The following DTNA variants were observed in gnomAD, a reference collection of about 807,000 sequenced individuals.
The protein encoded by DTNA is dystrophin-related protein 3.
Under a neutral mutation model 100.7 loss-of-function variants are expected in DTNA, and 43 were observed. The observed-to-expected ratio is 0.43, with a 90% CI of 0.33 to 0.55. DTNA has a LOEUF of 0.55. Among genes scored for constraint, DTNA ranks in the 20% least tolerant of loss-of-function variants. The pLI is 0.04. For missense variants in DTNA, 798 were observed against 953.9 expected, an observed-to-expected ratio of 0.84 and a Z score of 2.15; for synonymous variants, 349 against 347.9, an observed-to-expected ratio of 1.00 and a Z score of -0.04.
intron 1 of DTNA, among the ~76,000 whole-genome samples, chr18:34,573,467 A>ATTTTG (rs754717318): frequency 2.0e-5 from 3 of 152,128 alleles, no homozygotes; most frequent in Non-Finnish European, 2.9e-5. Context: ...CTGTTACCTC[A>ATTTTG]TTTTGTTTAC....
At chr18:34,773,083 A>C (rs1030879395) in intron 3 of DTNA, among the ~76,000 whole-genome samples, 3 of 152,048 alleles carry the variant, frequency 2.0e-5, no homozygotes, top group African/African-American at 7.2e-5. Flanking sequence ...GTCCTCTCTG[A>C]CTTCCCCATT....
At chr18:34,854,989 T>C (rs2096535563) in intron 15 of DTNA, among the ~76,000 whole-genome samples, 1 of 152,144 alleles carries the variant, frequency 6.6e-6, no homozygotes. Context: ...ATTTCTACTC[T>C]TTTTCCCCAA....
chr18:34,744,041 A>T lies in DTNA; in HGVS notation c.-1-11935A>T, dbSNP rs1304087712. Among the ~76,000 whole-genome samples the T allele has an allele frequency of 2.0e-5, 3 of 152,204 alleles. No individual in the cohort carries two copies. The East Asian group carries it at 5.8e-4, about 29-fold the overall frequency. ...TTATTTCCTTTTCCCAGCGAATCAA[A>T]ATTGCCACCTCTTCACTGTGTTTAT... is the stretch of plus-strand genomic sequence containing the variant. On this transcript the variant is annotated intron_variant, in intron 1 of 22. Coordinates refer to ENST00000444659, the MANE Select transcript of DTNA (RefSeq NM_001386795.1).
intron 1 of DTNA, among the ~76,000 whole-genome samples, chr18:34,625,354 G>A (rs940401591): frequency 2.0e-5 from 3 of 152,056 alleles, no homozygotes; most frequent in African/African-American, 7.2e-5. Context: ...TGTATTTTTA[G>A]TAGAGACGGG....
intron 15 of DTNA, among the ~76,000 whole-genome samples, chr18:34,857,555 C>T (rs1013896335): frequency 6.6e-6 from 1 of 152,186 alleles, no homozygotes; most frequent in Non-Finnish European, 1.5e-5. Context: ...GAAGCCCAGG[C>T]TCTGACATCA....
intron 1 of DTNA, among the ~76,000 whole-genome samples, chr18:34,615,400 A>G (rs1437844803): frequency 2.0e-5 from 3 of 152,156 alleles, no homozygotes; most frequent in Non-Finnish European, 4.4e-5. Context: ...TGCAAACTAT[A>G]TCATCTTATT....
chr18:34,712,193 A>T (rs943213808), intron 1 of DTNA, among the ~76,000 whole-genome samples: 2 of 152,142 alleles, frequency 1.3e-5, no homozygotes, highest in African/African-American at 4.8e-5. Context: ...ATGAAAAGAT[A>T]TACAAAAGGT....
At chr18:34,520,048 G>A (rs1054521375) in intron 1 of DTNA, among the ~76,000 whole-genome samples, 2 of 152,106 alleles carry the variant, frequency 1.3e-5, no homozygotes, top group East Asian at 1.9e-4. Context: ...AGGTACAGTG[G>A]CATTTCTGTG....
intron 5 of DTNA, among the ~76,000 whole-genome samples, chr18:34,811,142 T>G (rs1208166255): frequency 2.0e-5 from 3 of 152,204 alleles, no homozygotes; most frequent in South Asian, 4.1e-4. Flanking sequence ...TAGCAAACCC[T>G]TTCATTCTAA....
intron 1 of DTNA, among the ~76,000 whole-genome samples, chr18:34,494,861 A>G (rs1223546855): frequency 1.3e-5 from 2 of 152,104 alleles, no homozygotes; most frequent in Admixed American, 6.5e-5. Flanking sequence ...GTTGAAGTGT[A>G]CAGTTACTGA....
At chr18:34,701,443 T>C (rs1378310482) in intron 1 of DTNA, among the ~76,000 whole-genome samples, 1 of 152,152 alleles carries the variant, frequency 6.6e-6, no homozygotes, top group East Asian at 1.9e-4. Context: ...TTTCTCCTGC[T>C]TCCTAGGTCT....
chr18:34,531,585 TGTAA>T (rs1315618663), intron 1 of DTNA, among the ~76,000 whole-genome samples: 1 of 152,124 alleles, frequency 6.6e-6, no homozygotes, highest in African/African-American at 2.4e-5. Context: ...CTACATTCTA[TGTAA>T]ATTATTTAAC....
Position 34,540,208 on chromosome 18 carries a change from A to G in DTNA, c.-2+46694A>G, listed in dbSNP as rs371601164. ...TTTCACTTACTTAATTTCTCCCTTT[A>G]TTACAAAAATAATTTGGCAGAGATC... is the stretch of plus-strand genomic sequence containing the variant. On this transcript the variant is annotated intron_variant, in intron 1 of 19. Transcript: ENST00000283365. 4.5e-4 allele frequency among the ~76,000 whole-genome samples: 68 copies of G among 152,076 alleles called. No individual in the cohort carries two copies. The East Asian group carries it at 0.013, about 29-fold the overall frequency.
intron 3 of DTNA, among the ~76,000 whole-genome samples, chr18:34,782,761 A>G (rs1388810255): frequency 6.6e-6 from 1 of 152,216 alleles, no homozygotes; most frequent in Non-Finnish European, 1.5e-5. Flanking sequence ...AGACTAGTAG[A>G]CTGAGGTCCA....
chr18:34,645,851 C>T (rs1461713397), intron 1 of DTNA, among the ~76,000 whole-genome samples: 1 of 152,068 alleles, frequency 6.6e-6, no homozygotes, highest in Admixed American at 6.5e-5. Context: ...GTTTTTTAAC[C>T]ATTTTTTGAA....
intron 1 of DTNA, among the ~76,000 whole-genome samples, chr18:34,565,972 T>A (rs375186249): frequency 6.6e-6 from 1 of 152,172 alleles, no homozygotes. Context: ...GTCTTTCCCA[T>A]TGACACCAAA....
chr18:34,744,141 T>TTA (rs1284510852), intron 1 of DTNA, among the ~76,000 whole-genome samples: 1 of 152,210 alleles, frequency 6.6e-6, no homozygotes. Flanking sequence ...ATTTGCTTTA[T>TTA]TAATGACATA....
intron 8 of DTNA, among the ~76,000 whole-genome samples, chr18:34,819,606 C>T (rs1231560511): frequency 2.0e-5 from 3 of 152,156 alleles, no homozygotes; most frequent in Admixed American, 2.0e-4. Context: ...TACATAAATG[C>T]TAAATCTACA....
At position 34,783,640 on chromosome 18, in the gene DTNA, C is replaced by T. The variant is rs185767702; in HGVS notation, c.149-10397C>T. On this transcript the variant is annotated intron_variant, in intron 3 of 22. Coordinates refer to ENST00000444659, the MANE Select transcript of DTNA (RefSeq NM_001386795.1). ...ATTTTATAAAGGTATAGCTCATGCT[C>T]ACTAATGGAAAACAAATCTGAAGAT... Among the ~76,000 whole-genome samples, 64 of 152,144 alleles carry T rather than the reference C, an allele frequency of 4.2e-4. 1 individual carries two copies. The highest frequency in any genetic ancestry group is 6.8e-4 in the Non-Finnish European group (46 of 68,028).
Sources: gnomAD v4.1 joint callset for allele counts (sites outside exome capture counted in the v4.1 genomes callset) on GRCh38, gnomAD v4.1.1 for gene constraint, MANE v1.5 for transcripts, NCBI Gene and HGNC (gene_info 2026-07-23, HGNC 2026-07-21) for gene names.